The following RPTOR variants were observed in gnomAD, a reference collection of about 807,000 sequenced individuals.
The protein encoded by RPTOR is regulatory-associated protein of mTOR.
RPTOR carries 21 observed loss-of-function variants against 169.9 expected under a neutral mutation model. The observed-to-expected ratio is 0.12, with a 90% CI of 0.09 to 0.18. The LOEUF (loss-of-function observed/expected upper bound fraction) is 0.18. Among genes scored for constraint, RPTOR ranks in the 10% least tolerant of loss-of-function variants. The probability of loss-of-function intolerance (pLI) is 1.00; values close to 1 mark genes in which losing one functional copy is unlikely to be tolerated. For synonymous variants in RPTOR, 732 were observed against 753.2 expected, an observed-to-expected ratio of 0.97 and a Z score of 0.46; for missense variants, 1,133 against 1,855.9, an observed-to-expected ratio of 0.61 and a Z score of 7.16.
chr17:80,923,610 G>A lies in RPTOR; in HGVS notation c.2745G>A (p.Gln915=), dbSNP rs779047405. The A allele has an allele frequency of 2.5e-6, 4 of 1,612,962 alleles. No homozygotes were observed. Among genetic ancestry groups the A allele is most frequent in the Non-Finnish European group, 3.4e-6 (4 of 1,179,734 alleles). ...GCACCACAGGCCCCGCTGGGGCGCAGTACACCCCTCACTCCCACCAGTTCC... is the reference window on the plus strand; with the variant it reads ...GCACCACAGGCCCCGCTGGGGCGCAATACACCCCTCACTCCCACCAGTTCC... The part of the protein sequence containing the change: ...RPGTTGPAGA[Q]YTPHSHQFPR... The change falls in exon 23 of 34, where the codon CAG becomes CAA. Residue 915 remains glutamine, a synonymous_variant. Coordinates refer to ENST00000306801, the MANE Select transcript of RPTOR (RefSeq NM_020761.3).
At chr17:80,563,912 C>T (rs1355265017) in intron 1 of RPTOR, among the ~76,000 whole-genome samples, 1 of 152,194 alleles carries the variant, frequency 6.6e-6, no homozygotes, top group Non-Finnish European at 1.5e-5. Context: ...TTCTCTCGCT[C>T]AGCATTGTCT....
chr17:80,730,758 T>TTTTGTGTGTGTGTTTTTTTTTGGCG lies in RPTOR; in HGVS notation c.654+52_654+53insTTTGTGTGTGTGTTTTTTTTTGGCG. 1 of 467,258 alleles carries TTTTGTGTGTGTGTTTTTTTTTGGCG rather than the reference T, an allele frequency of 2.1e-6. No homozygotes were observed. Among genetic ancestry groups the TTTTGTGTGTGTGTTTTTTTTTGGCG allele is most frequent in the East Asian group, 6.0e-5 (1 of 16,768 alleles). 28.9% of individuals were successfully genotyped at this position (467,258 alleles called of 1,614,324 possible). ...GTGCTGGGTTTGGTTTTGTTTTCCC[T>TTTTGTGTGTGTGTTTTTTTTTGGCG]GGGGGTGGGGTTTGGGTGGGGAGGT... is the stretch of plus-strand genomic sequence containing the variant. On this transcript the variant is annotated intron_variant, in intron 5 of 33. Coordinates refer to ENST00000306801, the MANE Select transcript of RPTOR (RefSeq NM_020761.3). The surrounding 1 kb of genome is among the most constrained non-coding windows in gnomAD (Gnocchi z 4.2).
chr17:80,634,704 C>CTG (rs36184012), intron 2 of RPTOR, among the ~76,000 whole-genome samples: 1 of 64,948 alleles, frequency 1.5e-5, no homozygotes, highest in East Asian at 3.9e-4. Flanking sequence ...CGTGTGCGTA[C>CTG]TGTGTGTGTG....
chr17:80,696,644 C>A (rs116233566), intron 3 of RPTOR, among the ~76,000 whole-genome samples: 1 of 152,164 alleles, frequency 6.6e-6, no homozygotes, highest in Non-Finnish European at 1.5e-5. Context: ...CTGCAGTGGG[C>A]GCAGAAGGGA....
At position 80,781,964 on chromosome 17, in the gene RPTOR, G is replaced by T. The variant is rs12949402; in HGVS notation, c.831-9486G>T. ...AGGGCTTGGCTTTGGGTCACCAGGC[G>T]TGCAGCCATGTCAGAGCTCTGGAGC... On this transcript the variant is annotated intron_variant, in intron 6 of 33. Coordinates refer to ENST00000306801, the MANE Select transcript of RPTOR (RefSeq NM_020761.3). 4.8e-4 allele frequency among the ~76,000 whole-genome samples: 73 copies of T among 152,238 alleles called. 1 individual carries two copies. The East Asian group carries it at 0.011, about 23-fold the overall frequency.
At chr17:80,719,571 G>A (rs767861262) in intron 4 of RPTOR, among the ~76,000 whole-genome samples, 3 of 152,130 alleles carry the variant, frequency 2.0e-5, no homozygotes, top group Non-Finnish European at 2.9e-5. Flanking sequence ...TGGATTTGCC[G>A]CCGCAGCTTT....
chr17:80,905,031 G>A (rs1355161936), intron 20 of RPTOR, among the ~76,000 whole-genome samples: 1 of 151,772 alleles, frequency 6.6e-6, no homozygotes, highest in African/African-American at 2.4e-5. Flanking sequence ...GGGACTCAAG[G>A]GCCCAGGGCC....
chr17:80,604,796 T>C (rs2065216562), intron 1 of RPTOR, among the ~76,000 whole-genome samples: 1 of 152,088 alleles, frequency 6.6e-6, no homozygotes, highest in Non-Finnish European at 1.5e-5. Flanking sequence ...TTCACCATCA[T>C]GAGAACAGCA....
intron 1 of RPTOR, among the ~76,000 whole-genome samples, chr17:80,600,961 C>T (rs1461258730): frequency 6.6e-6 from 1 of 151,684 alleles, no homozygotes; most frequent in Non-Finnish European, 1.5e-5. Context: ...CTGTGAAACG[C>T]CTCCCATTGA....
intron 4 of RPTOR, among the ~76,000 whole-genome samples, chr17:80,727,744 A>G (rs911354325): frequency 6.7e-6 from 1 of 150,372 alleles, no homozygotes; most frequent in Non-Finnish European, 1.5e-5. Context: ...CCACACTGGC[A>G]TTTAGATAAT....
At position 80,695,295 on chromosome 17, in the gene RPTOR, C is replaced by T. The variant is rs935275453; in HGVS notation, c.349-12546C>T. Among the ~76,000 whole-genome samples, 2 of 152,206 alleles carry T rather than the reference C, an allele frequency of 1.3e-5. No individual in the cohort carries two copies. Among genetic ancestry groups the T allele is most frequent in the African/African-American group, 2.4e-5 (1 of 41,448 alleles). ...ACACGAGACTTTCACATCAGCCACCCGGGCAGGGCCCGCGTTAGTTTAGTT... is the reference window on the plus strand; with the variant it reads ...ACACGAGACTTTCACATCAGCCACCTGGGCAGGGCCCGCGTTAGTTTAGTT... On this transcript the variant is annotated intron_variant, in intron 3 of 33. Coordinates refer to ENST00000306801, the MANE Select transcript of RPTOR (RefSeq NM_020761.3). This position sits in a 1 kb window ranked among gnomAD's most constrained non-coding sequence, Gnocchi z 4.9.
intron 1 of RPTOR, among the ~76,000 whole-genome samples, chr17:80,604,824 C>T (rs566443939): frequency 1.6e-4 from 25 of 152,224 alleles, no homozygotes; most frequent in Admixed American, 2.6e-4. Context: ...GATCCATCCG[C>T]GCGATTCAAT....
intron 21 of RPTOR, among the ~76,000 whole-genome samples, chr17:80,916,250 G>T (rs2068672084): frequency 6.6e-6 from 1 of 152,222 alleles, no homozygotes; most frequent in Non-Finnish European, 1.5e-5. Context: ...CTGAGATAGG[G>T]CTGTGATGCC....
At chr17:80,832,181 AC>A (rs1428559505) in intron 9 of RPTOR, among the ~76,000 whole-genome samples, 6 of 152,162 alleles carry the variant, frequency 3.9e-5, no homozygotes, top group Non-Finnish European at 8.8e-5. Flanking sequence ...TAGTTGAAAC[AC>A]CCATTCATTG....
chr17:80,929,791 A>G (rs532586851), intron 24 of RPTOR, among the ~76,000 whole-genome samples: 1 of 152,324 alleles, frequency 6.6e-6, no homozygotes, highest in African/African-American at 2.4e-5. Flanking sequence ...CCCTGCCTGC[A>G]TGGCTTCCGG....
rs375408899 is a variant in RPTOR at position 80,737,120 on chromosome 17, AT to A, written c.654+6422del. 2.6e-3 allele frequency among the ~76,000 whole-genome samples: 392 copies of A among 152,002 alleles called. 2 individuals carry two copies. The highest frequency in any genetic ancestry group is 8.0e-3 in the African/African-American group (330 of 41,432). On this transcript the variant is annotated intron_variant, in intron 5 of 33. Transcript: ENST00000306801. Reference sequence around the variant, plus strand: ...AGTTGTCTCTGTTTCCTCCAGCATAATTTTTTTTCCTTTGGTTAATTTAGAT... The same window carrying A: ...AGTTGTCTCTGTTTCCTCCAGCATAATTTTTTTCCTTTGGTTAATTTAGAT...
At position 80,754,891 on chromosome 17, in the gene RPTOR, G is replaced by A. The variant is rs1052685721; in HGVS notation, c.830+706G>A. 8.5e-5 allele frequency among the ~76,000 whole-genome samples: 13 copies of A among 152,314 alleles called. No homozygotes were observed. The highest frequency in any genetic ancestry group is 6.2e-4 in the South Asian group (3 of 4,826). Reference sequence around the variant, plus strand: ...ATAAATACCTCTCCCTTGAGGTGCCGTGCGAATGGTGCAGCTGTGCAGCAG... The same window carrying A: ...ATAAATACCTCTCCCTTGAGGTGCCATGCGAATGGTGCAGCTGTGCAGCAG... On this transcript the variant is annotated intron_variant, in intron 6 of 33. Coordinates refer to ENST00000306801, the MANE Select transcript of RPTOR (RefSeq NM_020761.3). This position sits in a 1 kb window ranked among gnomAD's most constrained non-coding sequence, Gnocchi z 4.2.
intron 1 of RPTOR, among the ~76,000 whole-genome samples, chr17:80,585,678 T>C (rs1359979623): frequency 2.0e-5 from 3 of 152,204 alleles, no homozygotes; most frequent in African/African-American, 7.2e-5. Flanking sequence ...TTGCATAGTT[T>C]AGGCACAGTG....
At chr17:80,753,570 T>G (rs1209432845) in intron 5 of RPTOR, among the ~76,000 whole-genome samples, 1 of 146,314 alleles carries the variant, frequency 6.8e-6, no homozygotes, top group Non-Finnish European at 1.5e-5. Context: ...GAGGCGGAGC[T>G]TGCAGTGAGT....
Sources: allele counts gnomAD v4.1 joint callset (sites outside exome capture counted in the v4.1 genomes callset), GRCh38; gene constraint gnomAD v4.1.1; non-coding constraint Gnocchi (gnomAD v3.1); transcripts MANE v1.5; gene names NCBI Gene and HGNC (gene_info 2026-07-23, HGNC 2026-07-21).